The following SHANK1 variants were observed in gnomAD, a reference collection of about 807,000 sequenced individuals.
The protein encoded by SHANK1 is SH3 and multiple ankyrin repeat domains protein 1.
A neutral mutation model predicts 165.6 loss-of-function variants in SHANK1; 35 were observed. The observed-to-expected ratio is 0.21, with a 90% CI of 0.16 to 0.28. The LOEUF is 0.28. Ranked by LOEUF, SHANK1 falls within the 10% of genes least tolerant of loss-of-function variation. The probability of loss-of-function intolerance (pLI) is 1.00; values close to 1 mark genes in which losing one functional copy is unlikely to be tolerated. For missense variants in SHANK1, 2,681 were observed against 3,036.4 expected, an observed-to-expected ratio of 0.88 and a Z score of 2.75; for synonymous variants, 1,428 against 1,384.8, an observed-to-expected ratio of 1.03 and a Z score of -0.69.
chr19:50,715,466 G>A (rs961460753), intron 4 of SHANK1, among the ~76,000 whole-genome samples, 193 bp downstream of exon 4: 2 of 151,864 alleles, frequency 1.3e-5, no homozygotes, highest in Non-Finnish European at 2.9e-5. Context: ...TTGTGATGGG[G>A]ATAATGGGGG....
chr19:50,714,917 C>A (rs2089053069), intron 4 of SHANK1, among the ~76,000 whole-genome samples: 1 of 152,176 alleles, frequency 6.6e-6, no homozygotes, highest in East Asian at 1.9e-4. Context: ...TGGGACCAAA[C>A]ACACTGCAAG....
rs746633558 is a variant in SHANK1 at position 50,666,226 on chromosome 19, C to T, written c.5734G>A (p.Val1912Ile). 1.5e-5 allele frequency: 24 copies of T among 1,607,384 alleles called. No individual in the cohort carries two copies. The East Asian group carries it at 4.5e-4, about 30-fold the overall frequency. The change falls in exon 23 of 24, where the codon GTC becomes ATC. Residue 1912 changes from valine (V) to isoleucine (I), a missense_variant. By Grantham distance (29) the Val-to-Ile change is conservative. Transcript: ENST00000293441. ...TGCAGGGAGGAGGTCCTCTCGGGGA[C>T]ATAGCTGGCTCCCCCGTGGTGGCTG... ...GDSHHGGASY[V>I]PERTSSLQRQ...
chr19:50,687,465 G>T (rs1986389431), intron 19 of SHANK1, 117 bp downstream of exon 19: 2 of 756,186 alleles, frequency 2.6e-6, no homozygotes, highest in Non-Finnish European at 4.2e-6. Context: ...ATGGACTGGG[G>T]ACAGGATGAG....
intron 15 of SHANK1, among the ~76,000 whole-genome samples, chr19:50,695,354 G>C (rs961733191): frequency 6.7e-6 from 1 of 149,004 alleles, no homozygotes; most frequent in Admixed American, 6.7e-5. Context: ...GGCGGGCGGC[G>C]GGCGCGAGGC....
chr19:50,697,621 G>A lies in SHANK1; in HGVS notation c.1905C>T (p.Thr635=), dbSNP rs1038460444. 7 of 1,613,894 alleles carry A rather than the reference G, an allele frequency of 4.3e-6. No individual in the cohort carries two copies. The highest frequency in any genetic ancestry group is 3.3e-5 in the Admixed American group (2 of 59,988). ...DKAKRLFRHY[T]VGSYDSFDAP... ...CATCAAAGCTGTCGTAGGAGCCCAC[G>A]GTATAATGCCGGAAGAGTCTCTTTG... Residue 635 remains threonine (T), a synonymous_variant, in exon 14 of 24, where the codon ACC becomes ACT. Transcript: ENST00000293441. The surrounding 1 kb of genome is among the most constrained non-coding windows in gnomAD (Gnocchi z 4.7).
chr19:50,688,194 C>T lies in SHANK1; in HGVS notation c.2173-136G>A. On this transcript the variant is annotated intron_variant, in intron 17 of 23. Transcript: ENST00000293441. The surrounding 1 kb of genome is among the most constrained non-coding windows in gnomAD (Gnocchi z 6.7). ...GGGCTATGTTCCTCTCCCTCCGACC[C>T]TTCATACCACCGCCTCCCTGGGCAA... 9.2e-7 allele frequency: 1 copy of T among 1,087,076 alleles called. No individual in the cohort carries two copies. The highest frequency in any genetic ancestry group is 1.3e-6 in the Non-Finnish European group (1 of 756,830). The allele number at this position is 1,087,076 out of a possible 1,614,324, so 67.3% of individuals were successfully genotyped here. A position where few individuals can be genotyped will look rare whatever the true frequency, so the allele number is the denominator to read the frequency against.
chr19:50,710,813 C>T (rs2088998616), intron 8 of SHANK1, among the ~76,000 whole-genome samples: 1 of 152,372 alleles, frequency 6.6e-6, no homozygotes, highest in African/African-American at 2.4e-5. Flanking sequence ...CGCCACGTGG[C>T]ACCTGCACAC....
In SHANK1 at chr19:50,690,194, T is replaced by C. The variant is rs1986498214; in HGVS notation, c.1965-915A>G. Among the ~76,000 whole-genome samples the C allele has an allele frequency of 1.3e-5, 2 of 152,004 alleles. No homozygotes were observed. The highest frequency in any genetic ancestry group is 1.3e-4 in the Admixed American group (2 of 15,248). On this transcript the variant is annotated intron_variant, in intron 15 of 23. Coordinates refer to ENST00000293441, the MANE Select transcript of SHANK1 (RefSeq NM_016148.5). The surrounding 1 kb of genome is among the most constrained non-coding windows in gnomAD (Gnocchi z 4.9). ...GTCAGCATATTCTATTATAGTAAAA[T>C]GCAAAGCACCCATGAATATGGGTGG...
In SHANK1 at chr19:50,668,951, GT is replaced by G; in HGVS notation, c.3008del (p.His1003ProfsTer340). The G allele has an allele frequency of 1.7e-6, 1 of 586,542 alleles. No individual in the cohort carries two copies. Among genetic ancestry groups the G allele is most frequent in the South Asian group, 2.3e-5 (1 of 43,934 alleles). The allele number at this position is 586,542 out of a possible 1,614,324, so 36.3% of individuals were successfully genotyped here. On this transcript the variant is annotated frameshift_variant, in exon 23 of 24. Coordinates refer to ENST00000293441, the MANE Select transcript of SHANK1 (RefSeq NM_016148.5). LOFTEE classifies it high-confidence loss of function. ...GAGGGGGCGGGGCGTGGTGGTGGTGGTGGTGGGGCGGGTGGTGGTGGGCCGG... is the reference window on the plus strand; with the variant it reads ...GAGGGGGCGGGGCGTGGTGGTGGTGGGGTGGGGCGGGTGGTGGTGGGCCGG... ...LPPAHHHPPHHHHHHAPPPQP... is the reference protein window; with the variant it reads ...LPPAHHHPPHXHHHHAPPPQP...
intron 8 of SHANK1, among the ~76,000 whole-genome samples, chr19:50,709,831 A>G (rs766458565): frequency 2.0e-5 from 3 of 152,196 alleles, no homozygotes; most frequent in Non-Finnish European, 4.4e-5. Context: ...GATTACAGGC[A>G]TGAGCCACCG....
Position 50,666,305 on chromosome 19 carries a change from C to G in SHANK1, c.5655G>C (p.Ser1885=), listed in dbSNP as rs779510181. 1.2e-6 allele frequency: 2 copies of G among 1,613,050 alleles called. No individual in the cohort carries two copies. Among genetic ancestry groups the G allele is most frequent in the South Asian group, 2.2e-5 (2 of 90,946 alleles). Residue 1885 remains serine, a synonymous_variant, in exon 23 of 24, where the codon TCG becomes TCC. Coordinates refer to ENST00000293441, the MANE Select transcript of SHANK1 (RefSeq NM_016148.5). ...CCCAGGGCAGAGCGCCGCCAGCTGC[C>G]GAGGAGCCCCCAAACTGCTGAAGCT... The part of the protein sequence containing the change: ...SSKLQQFGGS[S]AAGGALPWAR...
Position 50,667,039 on chromosome 19 carries a change from C to T in SHANK1, c.4921G>A (p.Ala1641Thr), listed in dbSNP as rs1229197601. The change falls in exon 23 of 24, where the codon GCT (alanine) becomes ACT (threonine). Residue 1641 changes from alanine (A) to threonine (T), a missense_variant. By Grantham distance (58) the Ala-to-Thr change is moderately conservative. This residue lies in a region of SHANK1 where 1,713 missense variants were observed against 1,630.2 expected (regional missense o/e 1.05). Coordinates refer to ENST00000293441, the MANE Select transcript of SHANK1 (RefSeq NM_016148.5). This position sits in a 1 kb window ranked among gnomAD's most constrained non-coding sequence, Gnocchi z 5.7. ...VATLTQGASA[A>T]PGDPHPPGPP... Reference sequence around the variant, plus strand: ...CCTGGTGGATGGGGGTCCCCAGGAGCGGCGGAGGCCCCCTGGGTCAGGGTG... The same window carrying T: ...CCTGGTGGATGGGGGTCCCCAGGAGTGGCGGAGGCCCCCTGGGTCAGGGTG... The T allele has an allele frequency of 5.2e-6, 8 of 1,545,270 alleles. No individual in the cohort carries two copies. The highest frequency in any genetic ancestry group is 1.9e-5 in the Admixed American group (1 of 52,264).
At chr19:50,703,014 C>T (rs1392139441) in intron 11 of SHANK1, among the ~76,000 whole-genome samples, 1 of 152,210 alleles carries the variant, frequency 6.6e-6, no homozygotes, top group Non-Finnish European at 1.5e-5. Flanking sequence ...CCTCTGCCCG[C>T]CGTTGCCAGC....
At chr19:50,678,295 G>A (rs1347801618) in intron 21 of SHANK1, among the ~76,000 whole-genome samples, 3 of 152,214 alleles carry the variant, frequency 2.0e-5, no homozygotes, top group Admixed American at 2.0e-4. Flanking sequence ...GACCAGTCAG[G>A]AAGCACACGG....
chr19:50,664,950 G>A (rs10418083), intron 23 of SHANK1, among the ~76,000 whole-genome samples: 48,410 of 151,808 alleles, frequency 0.32, 9,016 homozygotes, highest in Non-Finnish European at 0.42. Context: ...GTAGAGATGG[G>A]GTTTCACCGT....
At chr19:50,664,938 T>A (rs10419212) in intron 23 of SHANK1, among the ~76,000 whole-genome samples, 9,269 of 152,192 alleles carry the variant, frequency 0.061, 456 homozygotes, top group African/African-American at 0.14. Flanking sequence ...GTATTTTTTT[T>A]AGTAGAGATG....
At position 50,662,211 on chromosome 19, in the gene SHANK1, G is replaced by A. The variant is rs1172430914; in HGVS notation, c.6240C>T (p.Arg2080=). 4 of 1,609,574 alleles carry A rather than the reference G, an allele frequency of 2.5e-6. No homozygotes were observed. The highest frequency in any genetic ancestry group is 3.4e-6 in the Non-Finnish European group (4 of 1,176,876). Residue 2080 remains arginine, a synonymous_variant, in exon 24 of 24, where the codon CGC becomes CGT. Coordinates refer to ENST00000293441, the MANE Select transcript of SHANK1 (RefSeq NM_016148.5). The surrounding 1 kb of genome is among the most constrained non-coding windows in gnomAD (Gnocchi z 7.7). The stretch of plus-strand genomic sequence containing the variant: ...GCTTGTCCGGGGGCAGCGAGAGCAG[G>A]CGGGTCGGTGAGAGGGAGCGCGAGG... ...SGASRSLSPT[R]LLSLPPDKPF...
At position 50,667,144 on chromosome 19, in the gene SHANK1, G is replaced by T; in HGVS notation, c.4816C>A (p.Pro1606Thr). 6.5e-7 allele frequency: 1 copy of T among 1,548,598 alleles called. No individual in the cohort carries two copies. The highest frequency in any genetic ancestry group is 1.2e-5 in the South Asian group (1 of 85,514). The change falls in exon 23 of 24, where the codon CCA becomes ACA. Residue 1606 changes from proline to threonine, a missense_variant. Pro to Thr is a conservative substitution (Grantham distance 38). Coordinates refer to ENST00000293441, the MANE Select transcript of SHANK1 (RefSeq NM_016148.5). This position sits in a 1 kb window ranked among gnomAD's most constrained non-coding sequence, Gnocchi z 5.7. ...GGGGCTGCGGCCACAGCCGGGGGTGGCACAGGGGGTAACGGGGTGGCAGGG... is the reference window on the plus strand; with the variant it reads ...GGGGCTGCGGCCACAGCCGGGGGTGTCACAGGGGGTAACGGGGTGGCAGGG... ...PAPATPLPPVPPPAVAAAPPT... is the reference protein window; with the variant it reads ...PAPATPLPPVTPPAVAAAPPT...
chr19:50,684,407 G>A (rs1986270591), intron 21 of SHANK1, among the ~76,000 whole-genome samples: 1 of 152,146 alleles, frequency 6.6e-6, no homozygotes, highest in Non-Finnish European at 1.5e-5. Context: ...TGTATTTTTA[G>A]TAGAGATGGG....
Sources: gnomAD v4.1 joint callset for allele counts (sites outside exome capture counted in the v4.1 genomes callset) on GRCh38, gnomAD v4.1.1 for gene constraint, gnomAD v4.1.1 regional missense constraint, Gnocchi (gnomAD v3.1) non-coding constraint, MANE v1.5 for transcripts, NCBI Gene and HGNC (gene_info 2026-07-23, HGNC 2026-07-21) for gene names.